The following CPEB1 variants were observed in gnomAD, a reference collection of about 807,000 sequenced individuals.
CPEB1 encodes the protein cytoplasmic polyadenylation element-binding protein 1.
CPEB1 carries 7 observed loss-of-function variants against 65.8 expected under a neutral mutation model. The observed-to-expected ratio is 0.11, with a 90% CI of 0.06 to 0.20. The LOEUF is 0.20. Ranked by LOEUF, CPEB1 falls within the 10% of genes least tolerant of loss-of-function variation. The probability of loss-of-function intolerance (pLI) is 1.00; values close to 1 mark genes in which losing one functional copy is unlikely to be tolerated. For synonymous variants in CPEB1, 262 were observed against 260.0 expected, an observed-to-expected ratio of 1.01 and a Z score of -0.08; for missense variants, 551 against 712.2, an observed-to-expected ratio of 0.77 and a Z score of 2.58.
At chr15:82,637,467 T>C (rs1377745137) in intron 1 of CPEB1, among the ~76,000 whole-genome samples, 2 of 152,206 alleles carry the variant, frequency 1.3e-5, no homozygotes, top group African/African-American at 2.4e-5. Context: ...AGAACTTTTC[T>C]TAACCCTGCT....
chr15:82,552,276 A>G (rs1596001731), intron 9 of CPEB1, among the ~76,000 whole-genome samples: 1 of 150,048 alleles, frequency 6.7e-6, no homozygotes, highest in South Asian at 2.1e-4. Flanking sequence ...GCATGCACAC[A>G]CCCCATTAAG....
intron 3 of CPEB1, 133 bp downstream of exon 3, chr15:82,627,060 A>G: frequency 1.5e-6 from 1 of 677,018 alleles, no homozygotes; most frequent in Non-Finnish European, 2.3e-6. Context: ...AAACTAAACC[A>G]CAAAAAGGCA....
intron 2 of CPEB1, among the ~76,000 whole-genome samples, chr15:82,627,777 G>A (rs1258269291): frequency 1.3e-5 from 2 of 152,176 alleles, no homozygotes; most frequent in East Asian, 3.8e-4. Context: ...AGAAGGTCTG[G>A]ACAAGAACTC....
At chr15:82,590,566 T>C (rs2042169880) in intron 3 of CPEB1, among the ~76,000 whole-genome samples, 2 of 152,168 alleles carry the variant, frequency 1.3e-5, no homozygotes, top group Admixed American at 1.3e-4. Flanking sequence ...AGTAAACTCG[T>C]GAATTTGTTG....
chr15:82,552,714 C>T (rs2036488701), intron 8 of CPEB1, 98 bp from the exon 9 acceptor site: 4 of 1,323,370 alleles, frequency 3.0e-6, no homozygotes, highest in Non-Finnish European at 4.3e-6. Flanking sequence ...GAAAGAAGGT[C>T]TTGTGTATAA....
intron 3 of CPEB1, among the ~76,000 whole-genome samples, chr15:82,610,347 T>A (rs2044013439): frequency 6.6e-6 from 1 of 152,140 alleles, no homozygotes; most frequent in Admixed American, 6.5e-5. Flanking sequence ...GGGAACACTT[T>A]ACAACTCAGT....
rs2037501476 is a variant in CPEB1 at position 82,557,878 on chromosome 15, G to C, written c.569C>G (p.Pro190Arg). 1 of 1,614,094 alleles carries C rather than the reference G, an allele frequency of 6.2e-7. No homozygotes were observed. Among genetic ancestry groups the C allele is most frequent in the Non-Finnish European group, 8.5e-7 (1 of 1,180,014 alleles). The change falls in exon 5 of 13, where the codon CCC becomes CGC. Residue 190 changes from proline to arginine, a missense_variant. Pro to Arg is a moderately radical substitution (Grantham distance 103). This residue lies in a region of CPEB1 where 223 missense variants were observed against 228.6 expected (regional missense o/e 0.98). Coordinates refer to ENST00000684509, the MANE Select transcript of CPEB1 (RefSeq NM_001365242.1). ...GSDLVDKFPA[P>R]SVRGSRLDTR... ...GTCCAGGCGTGATCCTCTAACTGAG[G>C]GTGCTGGAAACTTGTCCACCAAGTC... is the stretch of plus-strand genomic sequence containing the variant.
chr15:82,603,987 C>T (rs544686031), intron 3 of CPEB1, among the ~76,000 whole-genome samples: 2 of 152,252 alleles, frequency 1.3e-5, no homozygotes, highest in Non-Finnish European at 2.9e-5. Flanking sequence ...AAAAATGGTC[C>T]CTGACAAAGG....
At chr15:82,568,784 T>G (rs1291574839) in intron 4 of CPEB1, among the ~76,000 whole-genome samples, 2 of 152,172 alleles carry the variant, frequency 1.3e-5, no homozygotes, top group East Asian at 3.9e-4. Context: ...CCACGGAGAT[T>G]CTTAAAGGTA....
chr15:82,574,272 C>A (rs2040400471), intron 3 of CPEB1, among the ~76,000 whole-genome samples: 1 of 152,176 alleles, frequency 6.6e-6, no homozygotes, highest in Non-Finnish European at 1.5e-5. Context: ...CCTGTTAAAA[C>A]CATTAGTGTG....
chr15:82,591,863 G>C (rs1475623665), intron 3 of CPEB1, among the ~76,000 whole-genome samples: 1 of 131,902 alleles, frequency 7.6e-6, no homozygotes, highest in Non-Finnish European at 1.6e-5. Context: ...TTTTTTTTAA[G>C]ACAGGGTCTT....
intron 3 of CPEB1, among the ~76,000 whole-genome samples, chr15:82,576,733 T>C (rs2040691537): frequency 6.6e-6 from 1 of 152,196 alleles, no homozygotes; most frequent in African/African-American, 2.4e-5. Flanking sequence ...CAATAAAAAC[T>C]GACTCCAGGC....
intron 3 of CPEB1, among the ~76,000 whole-genome samples, chr15:82,620,301 T>C (rs1280441092): frequency 6.6e-6 from 1 of 150,458 alleles, no homozygotes; most frequent in African/African-American, 2.4e-5. Flanking sequence ...GGCATGTGCC[T>C]GTAGTCCCAG....
rs1410565923 is a variant in CPEB1, at chr15:82,606,622, T to A, written c.271+20571A>T. The stretch of plus-strand genomic sequence containing the variant: ...TCACGAGGTCAGGAGATCGAGACCA[T>A]CCCGGCTAAAATGGTGAAACCCCGT... On this transcript the variant is annotated intron_variant, in intron 3 of 12. Transcript: ENST00000684509. Among the ~76,000 whole-genome samples, 19 of 48,686 alleles carry A rather than the reference T, an allele frequency of 3.9e-4. 5 individuals are homozygous for A. Among genetic ancestry groups the A allele is most frequent in the African/African-American group, 1.8e-3 (19 of 10,684 alleles). 31.9% of individuals were successfully genotyped at this position (48,686 alleles called of 152,430 possible).
intron 3 of CPEB1, among the ~76,000 whole-genome samples, chr15:82,610,492 T>C (rs1250585680): frequency 6.6e-6 from 1 of 151,932 alleles, no homozygotes; most frequent in Non-Finnish European, 1.5e-5. Flanking sequence ...ATGGGGTTTA[T>C]CCTAAGAAGA....
At chr15:82,614,714 A>C (rs916224037) in intron 3 of CPEB1, among the ~76,000 whole-genome samples, 1 of 152,108 alleles carries the variant, frequency 6.6e-6, no homozygotes, top group Admixed American at 6.5e-5. Context: ...AAATCCAAGG[A>C]TTTCAAAAGA....
At chr15:82,599,745 A>AC (rs555807380) in intron 3 of CPEB1, among the ~76,000 whole-genome samples, 88 of 152,170 alleles carry the variant, frequency 5.8e-4, no homozygotes, top group African/African-American at 1.9e-3. Flanking sequence ...TTAAGCTGGG[A>AC]CCCCCCAGAG....
At chr15:82,598,658 G>A (rs2042862661) in intron 3 of CPEB1, among the ~76,000 whole-genome samples, 1 of 152,010 alleles carries the variant, frequency 6.6e-6, no homozygotes, top group Non-Finnish European at 1.5e-5. Context: ...GGTGGTGGGT[G>A]CCCGTAATCC....
At chr15:82,563,631 C>T (rs1334330418) in intron 4 of CPEB1, among the ~76,000 whole-genome samples, 4 of 151,682 alleles carry the variant, frequency 2.6e-5, no homozygotes, top group African/African-American at 7.3e-5. Context: ...TGTGAGCCTC[C>T]GTGCCTGGGC....
Sources: gnomAD v4.1 joint callset for allele counts (sites outside exome capture counted in the v4.1 genomes callset) on GRCh38, gnomAD v4.1.1 for gene constraint, gnomAD v4.1.1 regional missense constraint, MANE v1.5 for transcripts, NCBI Gene and HGNC (gene_info 2026-07-23, HGNC 2026-07-21) for gene names.